The following FSTL5 variants were observed in gnomAD, a reference collection of about 807,000 sequenced individuals.
FSTL5 encodes the protein follistatin like 5.
FSTL5 carries 62 observed loss-of-function variants against 89.1 expected under a neutral mutation model. The observed-to-expected ratio is 0.70, with a 90% CI of 0.57 to 0.86. The LOEUF (loss-of-function observed/expected upper bound fraction) is 0.86, where lower values mean the gene tolerates loss of function less well. Ranked by LOEUF, FSTL5 falls within the 40% of genes least tolerant of loss-of-function variation. FSTL5 has a pLI of 0.00. For missense variants in FSTL5, 1,057 were observed against 1,001.6 expected (o/e 1.06, Z -0.75); for synonymous variants, 383 against 346.2 (o/e 1.11, Z -1.18).
At chr4:161,396,499 A>T in intron 15 of FSTL5, among the ~76,000 whole-genome samples, 1 of 151,190 alleles carries the variant, frequency 6.6e-6, no homozygotes, top group East Asian at 1.9e-4. Context: ...AAAAAAAAAA[A>T]AAAAATTAGC....
chr4:161,903,365 C>A (rs1436625849), intron 4 of FSTL5, among the ~76,000 whole-genome samples: 2 of 152,060 alleles, frequency 1.3e-5, no homozygotes, highest in Non-Finnish European at 2.9e-5. Flanking sequence ...AACTATTACT[C>A]TTCTCTCCCA....
At position 161,641,504 on chromosome 4, in the gene FSTL5, G is replaced by T. The variant is rs375346579; in HGVS notation, c.894+14824C>A. ...CCAAATTAGAGGGTTTTTTTGTTTT[G>T]TTTTGTTTTTTTTTTTGAGACTCTG... On this transcript the variant is annotated intron_variant, in intron 7 of 15. Coordinates refer to ENST00000306100, the MANE Select transcript of FSTL5 (RefSeq NM_020116.5). 9.8e-4 allele frequency among the ~76,000 whole-genome samples: 130 copies of T among 132,272 alleles called. 1 individual carries two copies. In the Middle Eastern group the frequency reaches 0.011, roughly 12 times the overall value. 86.8% of individuals were successfully genotyped at this position (132,272 alleles called of 152,430 possible).
chr4:161,931,948 G>T (rs966537448), intron 3 of FSTL5, among the ~76,000 whole-genome samples: 3 of 151,892 alleles, frequency 2.0e-5, no homozygotes, highest in Non-Finnish European at 2.9e-5. Flanking sequence ...GTACCAGTGT[G>T]CCAAGTTATA....
intron 7 of FSTL5, among the ~76,000 whole-genome samples, chr4:161,633,981 AC>A (rs1290809262): frequency 6.6e-6 from 1 of 152,220 alleles, no homozygotes; most frequent in African/African-American, 2.4e-5. Flanking sequence ...TTTTGGAGTT[AC>A]CTTTCTATAG....
chr4:161,450,601 T>C (rs997248026), intron 15 of FSTL5, among the ~76,000 whole-genome samples: 1 of 152,230 alleles, frequency 6.6e-6, no homozygotes, highest in East Asian at 1.9e-4. Flanking sequence ...TTGTATAACT[T>C]ATTTTTTTGG....
intron 2 of FSTL5, among the ~76,000 whole-genome samples, chr4:162,075,752 G>C (rs1422134592): frequency 6.6e-6 from 1 of 151,854 alleles, no homozygotes; most frequent in Non-Finnish European, 1.5e-5. Flanking sequence ...AGGCAGTGAA[G>C]AGACACCCAT....
chr4:161,677,245 A>G (rs1236562185), intron 6 of FSTL5, among the ~76,000 whole-genome samples: 2 of 152,006 alleles, frequency 1.3e-5, no homozygotes, highest in Non-Finnish European at 2.9e-5. Context: ...CCAAATAAAG[A>G]AAGAATACAA....
At chr4:161,795,398 T>G (rs2126824191) in intron 4 of FSTL5, among the ~76,000 whole-genome samples, 1 of 152,234 alleles carries the variant, frequency 6.6e-6, no homozygotes, top group African/African-American at 2.4e-5. Flanking sequence ...ACCAACAGGC[T>G]GAGCACTTCA....
At chr4:161,774,276 T>C (rs1741318134) in intron 5 of FSTL5, among the ~76,000 whole-genome samples, 1 of 152,072 alleles carries the variant, frequency 6.6e-6, no homozygotes, top group African/African-American at 2.4e-5. Flanking sequence ...CACCTGAAGC[T>C]GAAAGAAGCA....
chr4:161,832,065 T>C (rs17041633), intron 4 of FSTL5, among the ~76,000 whole-genome samples: 3,390 of 152,136 alleles, frequency 0.022, 125 homozygotes, highest in African/African-American at 0.075. Flanking sequence ...AAGAAGGTTA[T>C]GGAAAATTCT....
intron 1 of FSTL5, among the ~76,000 whole-genome samples, chr4:162,163,207 G>T (rs1733757498): frequency 6.6e-6 from 1 of 152,014 alleles, no homozygotes; most frequent in Non-Finnish European, 1.5e-5. Context: ...ATAATTATTT[G>T]ATTATATTTG....
At chr4:161,533,209 A>G (rs947356105) in intron 10 of FSTL5, among the ~76,000 whole-genome samples, 2 of 151,760 alleles carry the variant, frequency 1.3e-5, no homozygotes, top group African/African-American at 4.8e-5. Context: ...ACCTAATTGA[A>G]GAAAATAACT....
At chr4:161,442,708 A>C (rs1439803744) in intron 15 of FSTL5, among the ~76,000 whole-genome samples, 1 of 152,084 alleles carries the variant, frequency 6.6e-6, no homozygotes, top group East Asian at 1.9e-4. Context: ...ACGACAATTC[A>C]TCATCCCAAG....
intron 4 of FSTL5, among the ~76,000 whole-genome samples, chr4:161,864,194 G>A (rs1732006416): frequency 2.6e-5 from 4 of 152,144 alleles, no homozygotes; most frequent in Admixed American, 2.6e-4. Flanking sequence ...GCCACAAAAT[G>A]ATGTTATGAA....
chr4:161,944,711 G>A (rs1437812687), intron 3 of FSTL5, among the ~76,000 whole-genome samples: 4 of 151,452 alleles, frequency 2.6e-5, no homozygotes, highest in Non-Finnish European at 4.4e-5. Flanking sequence ...GTAATTGTTT[G>A]GTTTTAGCAA....
At chr4:162,024,328 T>C (rs1737201063) in intron 3 of FSTL5, among the ~76,000 whole-genome samples, 1 of 152,210 alleles carries the variant, frequency 6.6e-6, no homozygotes, top group African/African-American at 2.4e-5. Flanking sequence ...GAGGGTTATA[T>C]AAAATAACAC....
chr4:161,759,307 TC>T lies in FSTL5; in HGVS notation c.727+103del, dbSNP rs768025876. The T allele has an allele frequency of 1.7e-4, 184 of 1,062,574 alleles. No individual in the cohort carries two copies. In the Middle Eastern group the frequency reaches 4.2e-3, roughly 25 times the overall value. 65.8% of individuals were successfully genotyped at this position (1,062,574 alleles called of 1,614,324 possible). ...TAAATTCACTAAATTATATAATTTT[TC>T]TTAAGAAACAGCTTGTACTATGAGA... On this transcript the variant is annotated intron_variant, in intron 6 of 15. Transcript: ENST00000306100.
chr4:162,143,223 T>C (rs1732818305), intron 1 of FSTL5, among the ~76,000 whole-genome samples: 1 of 152,102 alleles, frequency 6.6e-6, no homozygotes, highest in African/African-American at 2.4e-5. Flanking sequence ...ATTTTGTTTC[T>C]TGTAGAGATA....
rs1262603442 is a variant in FSTL5 at position 161,406,828 on chromosome 4, T to G, written c.1842-20379A>C. 2.6e-5 allele frequency among the ~76,000 whole-genome samples: 4 copies of G among 152,320 alleles called. No individual in the cohort carries two copies. The East Asian group carries it at 7.7e-4, about 29-fold the overall frequency. On this transcript the variant is annotated intron_variant, in intron 15 of 15. Transcript: ENST00000306100. Reference sequence around the variant, plus strand: ...CCTATTTATGTCTTTACATCTAATGTCAATCTCTTATACATAGAATAGGGT... The same window carrying G: ...CCTATTTATGTCTTTACATCTAATGGCAATCTCTTATACATAGAATAGGGT...
Sources: allele counts gnomAD v4.1 joint callset (sites outside exome capture counted in the v4.1 genomes callset), GRCh38; gene constraint gnomAD v4.1.1; transcripts MANE v1.5; gene names NCBI Gene and HGNC (gene_info 2026-07-23, HGNC 2026-07-21).